WASL: variants seen among roughly 807,000 people sequenced by gnomAD.
The protein encoded by WASL is WASP like actin nucleation promoting factor, also known as actin nucleation-promoting factor WASL.
WASL carries 20 observed loss-of-function variants against 55.5 expected under a neutral mutation model. The observed-to-expected ratio is 0.36, with a 90% confidence interval of 0.25 to 0.52. WASL has a LOEUF of 0.52. WASL is among the 20% of genes least tolerant of loss of function. The pLI, the probability that WASL is intolerant of heterozygous loss-of-function variation, is 0.92. For missense variants in WASL, 504 were observed against 622.5 expected, an observed-to-expected ratio of 0.81 and a Z score of 2.03; for synonymous variants, 249 against 217.6, an observed-to-expected ratio of 1.14 and a Z score of -1.27.
At chr7:123,692,268 A>T in intron 9 of WASL, 79 bp downstream of exon 9, 1 of 1,507,396 alleles carries the variant, frequency 6.6e-7, no homozygotes. Context: ...TACACTTTTC[A>T]AAAATATCTT....
In WASL at chr7:123,736,393, T is replaced by C. The variant is rs192403709; in HGVS notation, c.117+12225A>G. ...GAAATGATAACCAAGTGAATAAATA[T>C]AAGGTTTTTTTCCCTTACTATTTAA... On this transcript the variant is annotated intron_variant, in intron 1 of 10. Coordinates refer to ENST00000223023, the MANE Select transcript of WASL (RefSeq NM_003941.4). Among the ~76,000 whole-genome samples, 859 of 152,242 alleles carry C rather than the reference T, an allele frequency of 5.6e-3. 8 individuals carry two copies. The highest frequency in any genetic ancestry group is 0.019 in the African/African-American group (796 of 41,548).
At chr7:123,685,640 G>C (rs1803274587) in intron 10 of WASL, among the ~76,000 whole-genome samples, 1 of 151,620 alleles carries the variant, frequency 6.6e-6, no homozygotes, top group African/African-American at 2.4e-5. Flanking sequence ...CTCCATGACA[G>C]CACGGACCTT....
chr7:123,732,298 C>T (rs1361092500), intron 1 of WASL, among the ~76,000 whole-genome samples: 2 of 152,088 alleles, frequency 1.3e-5, no homozygotes, highest in Admixed American at 1.3e-4. Flanking sequence ...CCACTGCACT[C>T]CAGCCTGGGT....
chr7:123,739,876 ATGTGTGTGTGTG>A (rs745649691), intron 1 of WASL, among the ~76,000 whole-genome samples: 150 of 115,620 alleles, frequency 1.3e-3, no homozygotes, highest in South Asian at 7.0e-3. Flanking sequence ...ACATTTATAT[ATGTGTGTGTGTG>A]TGTGTGTGTG....
At chr7:123,722,759 C>T (rs1034661359) in intron 1 of WASL, among the ~76,000 whole-genome samples, 3 of 152,018 alleles carry the variant, frequency 2.0e-5, no homozygotes, top group Non-Finnish European at 2.9e-5. Context: ...GAGCCAAGAT[C>T]GCCACTGCAC....
rs974727494 is a variant in WASL at position 123,683,073 on chromosome 7, C to A, written c.*1446G>T. ...TCCAGCCTGTCAAGATCTGCCAATA[C>A]GAGATTTTGGTTGGTACAATTCTAG... On this transcript the variant is annotated 3_prime_UTR_variant, in exon 11 of 11. Transcript: ENST00000223023. 3 of 151,988 alleles carry A rather than the reference C, an allele frequency of 2.0e-5. No individual in the cohort carries two copies. Among genetic ancestry groups the A allele is most frequent in the African/African-American group, 7.2e-5 (3 of 41,394 alleles). The allele number at this position is 151,988 out of a possible 1,614,324, so 9.4% of individuals were successfully genotyped here. A position where few individuals can be genotyped will look rare whatever the true frequency, so the allele number is the denominator to read the frequency against.
chr7:123,744,667 T>C (rs983686689), intron 1 of WASL, among the ~76,000 whole-genome samples: 7 of 152,188 alleles, frequency 4.6e-5, no homozygotes, highest in Non-Finnish European at 5.9e-5. Flanking sequence ...GATATGGCTG[T>C]AGAGACGTAG....
chr7:123,689,120 T>A lies in WASL; in HGVS notation c.1378A>T (p.Thr460Ser). The A allele has an allele frequency of 1.2e-6, 2 of 1,614,026 alleles. No homozygotes were observed. The highest frequency in any genetic ancestry group is 1.7e-6 in the Non-Finnish European group (2 of 1,179,974). Residue 460 changes from threonine to serine, a missense_variant, in exon 10 of 11, where the codon ACA becomes TCA. This residue lies in a region of WASL where 53 missense variants were observed against 69.1 expected (regional missense o/e 0.77). Transcript: ENST00000223023. ...ACAATTCCTGAAGTGGGTGCAGGTG[T>A]TGGTGGTGTAGACTCTTGGCCATCA... ...VADGQESTPPTPAPTSGIVGA... is the reference protein window; with the variant it reads ...VADGQESTPPSPAPTSGIVGA...
At chr7:123,721,975 T>C (rs772303687) in intron 1 of WASL, among the ~76,000 whole-genome samples, 17 of 152,062 alleles carry the variant, frequency 1.1e-4, no homozygotes, top group Non-Finnish European at 2.2e-4. Context: ...CTGTCCTCTC[T>C]AGGTAAGCTC....
chr7:123,716,485 C>T (rs891043911), intron 1 of WASL, among the ~76,000 whole-genome samples: 4 of 151,960 alleles, frequency 2.6e-5, no homozygotes, highest in Non-Finnish European at 4.4e-5. Flanking sequence ...TGAACTCAGG[C>T]GATCTGCTTG....
intron 8 of WASL, among the ~76,000 whole-genome samples, chr7:123,693,375 T>C (rs1421683220): frequency 6.6e-6 from 1 of 152,250 alleles, no homozygotes; most frequent in African/African-American, 2.4e-5. Context: ...AGCCCAAATA[T>C]AATGCTTTCC....
chr7:123,723,477 A>C (rs575084922), intron 1 of WASL, among the ~76,000 whole-genome samples: 8 of 152,216 alleles, frequency 5.3e-5, no homozygotes, highest in Non-Finnish European at 8.8e-5. Context: ...CCAAATTAAT[A>C]ATCATGTAGT....
chr7:123,738,461 G>A (rs1047524421), intron 1 of WASL, among the ~76,000 whole-genome samples: 30 of 152,164 alleles, frequency 2.0e-4, no homozygotes, highest in African/African-American at 6.5e-4. Flanking sequence ...TCCCACAGCC[G>A]CAATAATCAA....
chr7:123,710,513 T>C (rs540027213), intron 1 of WASL, among the ~76,000 whole-genome samples: 9 of 152,210 alleles, frequency 5.9e-5, no homozygotes, highest in African/African-American at 1.7e-4. Context: ...AGAACAATTA[T>C]ATGCACAAAT....
At chr7:123,741,265 A>C (rs934695855) in intron 1 of WASL, among the ~76,000 whole-genome samples, 1 of 151,996 alleles carries the variant, frequency 6.6e-6, no homozygotes, top group Non-Finnish European at 1.5e-5. Context: ...TATTTCATTA[A>C]TTAATATTAG....
At chr7:123,704,710 A>G (rs1037948701) in intron 4 of WASL, 53 bp from the exon 5 acceptor site, 48 of 1,207,918 alleles carry the variant, frequency 4.0e-5, no homozygotes, top group Non-Finnish European at 5.4e-5. Context: ...AGACAACATC[A>G]ACATAAAAAA....
chr7:123,730,178 T>C (rs572744539), intron 1 of WASL, among the ~76,000 whole-genome samples: 1 of 152,288 alleles, frequency 6.6e-6, no homozygotes, highest in East Asian at 1.9e-4. Flanking sequence ...TTGAAGAAAT[T>C]TGTTACTGAT....
chr7:123,715,993 G>T (rs1403786521), intron 1 of WASL, among the ~76,000 whole-genome samples: 4 of 152,068 alleles, frequency 2.6e-5, no homozygotes, highest in Admixed American at 2.6e-4. Context: ...GTGTTAAAAG[G>T]GCAGCTCATA....
chr7:123,711,134 A>G (rs1362529348), intron 1 of WASL, among the ~76,000 whole-genome samples: 2 of 152,190 alleles, frequency 1.3e-5, no homozygotes, highest in Non-Finnish European at 2.9e-5. Flanking sequence ...CAGCTCACAC[A>G]CACACACAAA....
Sources: gnomAD v4.1 joint callset for allele counts (sites outside exome capture counted in the v4.1 genomes callset) on GRCh38, gnomAD v4.1.1 for gene constraint, gnomAD v4.1.1 regional missense constraint, MANE v1.5 for transcripts, NCBI Gene and HGNC (gene_info 2026-07-23, HGNC 2026-07-21) for gene names.